Variants in CDKN2B-AS1 observed in about 807,000 individuals in gnomAD.
The protein encoded by CDKN2B-AS1 is CDKN2B antisense RNA 1 (non-protein coding).
intron 4 of CDKN2B-AS1, among the ~76,000 whole-genome samples, chr9:22,080,838 T>A (rs73650042): frequency 6.6e-6 from 1 of 152,142 alleles, no homozygotes; most frequent in Non-Finnish European, 1.5e-5. Context: ...AATAGGAGGG[T>A]GGGCTGAGCC....
intron 1 of CDKN2B-AS1, chr9:22,009,182 G>C (rs890615012): frequency 1.5e-5 from 10 of 645,614 alleles, no homozygotes; most frequent in Middle Eastern, 4.2e-4. Context: ...GAACCAGCGG[G>C]CGCGCCTGGA....
At chr9:22,077,149 TGAC>T (rs1824527906) in intron 4 of CDKN2B-AS1, among the ~76,000 whole-genome samples, 2 of 152,304 alleles carry the variant, frequency 1.3e-5, no homozygotes, top group South Asian at 4.1e-4. Flanking sequence ...TCTGTATATT[TGAC>T]TTTTAAAAAA....
chr9:22,007,337 C>T (rs148289919), intron 1 of CDKN2B-AS1, among the ~76,000 whole-genome samples: 122 of 149,864 alleles, frequency 8.1e-4, no homozygotes, highest in African/African-American at 2.8e-3. Flanking sequence ...CCAGCCTGTC[C>T]GACAGAGTGA....
chr9:22,079,051 A>T (rs2131326925), intron 4 of CDKN2B-AS1, among the ~76,000 whole-genome samples: 2 of 152,352 alleles, frequency 1.3e-5, no homozygotes, highest in South Asian at 4.1e-4. Context: ...AATATCTGGA[A>T]GATATTTTTC....
intron 1 of CDKN2B-AS1, chr9:22,003,809 A>ATT: frequency 4.3e-6 from 1 of 232,250 alleles, no homozygotes; most frequent in Non-Finnish European, 8.5e-6. Context: ...CAAACCGTTT[A>ATT]TATTTACTAG....
intron 1 of CDKN2B-AS1, among the ~76,000 whole-genome samples, chr9:22,029,208 A>T (rs1822365402): frequency 6.6e-6 from 1 of 152,216 alleles, no homozygotes; most frequent in African/African-American, 2.4e-5. Context: ...ACAGTGGTTG[A>T]GAAACAGAAT....
intron 4 of CDKN2B-AS1, among the ~76,000 whole-genome samples, chr9:22,075,974 G>A (rs972750504): frequency 2.0e-5 from 3 of 152,180 alleles, no homozygotes; most frequent in South Asian, 2.1e-4. Flanking sequence ...CTTTTTGGAA[G>A]AGTTTGTGTC....
chr9:22,071,582 G>C (rs1024134696), intron 4 of CDKN2B-AS1, among the ~76,000 whole-genome samples: 1 of 151,928 alleles, frequency 6.6e-6, no homozygotes, highest in African/African-American at 2.4e-5. Flanking sequence ...AATTATTTTT[G>C]TGACCCTGGG....
At position 22,084,537 on chromosome 9, in the gene CDKN2B-AS1, A is replaced by T. The variant is rs564311323; in HGVS notation, n.438+28150A>T. ...GTCTAACAGCATGTGGGTAGGCTAC[A>T]TTTTTTTTACTCTCAGAGAAAGGGG... On this transcript the variant is annotated intron_variant and non_coding_transcript_variant, in intron 4 of 4. Coordinates refer to ENST00000650946, the Ensembl canonical transcript of CDKN2B-AS1. 2.1e-3 allele frequency among the ~76,000 whole-genome samples: 313 copies of T among 151,748 alleles called. 2 individuals carry two copies. The highest frequency in any genetic ancestry group is 3.2e-3 in the Non-Finnish European group (219 of 67,900).
At chr9:22,011,951 T>C (rs978974044) in intron 1 of CDKN2B-AS1, among the ~76,000 whole-genome samples, 1 of 152,174 alleles carries the variant, frequency 6.6e-6, no homozygotes, top group South Asian at 2.1e-4. Context: ...AGAAAGTTAA[T>C]GGTAAATTGG....
intron 4 of CDKN2B-AS1, among the ~76,000 whole-genome samples, chr9:22,069,671 A>C (rs1824208708): frequency 6.6e-6 from 1 of 152,206 alleles, no homozygotes; most frequent in African/African-American, 2.4e-5. Flanking sequence ...TGATGAGAAC[A>C]TTCAAAAGCC....
In CDKN2B-AS1 at chr9:22,006,421, A is replaced by G. The variant is rs1821192896; in HGVS notation, n.29+11260A>G. 1 of 856,628 alleles carries G rather than the reference A, an allele frequency of 1.2e-6. No homozygotes were observed. The highest frequency in any genetic ancestry group is 1.7e-5 in the African/African-American group (1 of 59,740). 53.1% of individuals were successfully genotyped at this position (856,628 alleles called of 1,614,324 possible). A position where few individuals can be genotyped will look rare whatever the true frequency, so the allele number is the denominator to read the frequency against. ...GTTTCTTCATTTGCTGATGCAATCCACTTTCCCACCCCACCTTCAGGTTAT... is the reference window on the plus strand; with the variant it reads ...GTTTCTTCATTTGCTGATGCAATCCGCTTTCCCACCCCACCTTCAGGTTAT... On this transcript the variant is annotated intron_variant and non_coding_transcript_variant, in intron 1 of 4. Transcript: ENST00000650946. This position sits in a 1 kb window ranked among gnomAD's most constrained non-coding sequence, Gnocchi z 6.4.
chr9:22,004,331 CTTTTAAATG>C (rs1821064408), intron 1 of CDKN2B-AS1: 1 of 232,222 alleles, frequency 4.3e-6, no homozygotes, highest in East Asian at 6.1e-5. Flanking sequence ...CCTTTTTTCT[CTTTTAAATG>C]TGTATCTGGT....
Position 22,008,816 on chromosome 9 carries a change from G to T in CDKN2B-AS1, n.29+13655G>T, listed in dbSNP as rs1388836946. On this transcript the variant is annotated intron_variant and non_coding_transcript_variant, in intron 1 of 4. Coordinates refer to ENST00000650946, the Ensembl canonical transcript of CDKN2B-AS1. Reference sequence around the variant, plus strand: ...CAGCTACCTGGATCGCGCGCCTCCCGAAACGGTTGACTCCGTTGGGATCCG... The same window carrying T: ...CAGCTACCTGGATCGCGCGCCTCCCTAAACGGTTGACTCCGTTGGGATCCG... 10 of 1,605,696 alleles carry T rather than the reference G, an allele frequency of 6.2e-6. No individual in the cohort carries two copies. In the Admixed American group the frequency reaches 1.7e-4, roughly 27 times the overall value.
At chr9:22,076,903 C>T (rs1824515493) in intron 4 of CDKN2B-AS1, among the ~76,000 whole-genome samples, 1 of 152,060 alleles carries the variant, frequency 6.6e-6, no homozygotes, top group Non-Finnish European at 1.5e-5. Flanking sequence ...AGGCTGGTCT[C>T]GAACTCCTTG....
intron 4 of CDKN2B-AS1, among the ~76,000 whole-genome samples, chr9:22,068,542 A>G (rs1824157294): frequency 6.6e-6 from 1 of 151,628 alleles, no homozygotes; most frequent in Admixed American, 6.6e-5. Flanking sequence ...GAAGGAATCT[A>G]AAAGGTGTAG....
chr9:22,024,285 G>C (rs1369500073), intron 1 of CDKN2B-AS1, among the ~76,000 whole-genome samples: 1 of 152,154 alleles, frequency 6.6e-6, no homozygotes. Flanking sequence ...TTTGTTCTCT[G>C]GTTCCTCGAG....
At chr9:22,022,018 G>T (rs1261181460) in intron 1 of CDKN2B-AS1, among the ~76,000 whole-genome samples, 1 of 152,162 alleles carries the variant, frequency 6.6e-6, no homozygotes, top group Non-Finnish European at 1.5e-5. Context: ...TGGTCTGGGA[G>T]ACAGTTTGTT....
intron 1 of CDKN2B-AS1, among the ~76,000 whole-genome samples, chr9:22,028,636 A>G (rs1164516166): frequency 6.6e-6 from 1 of 152,156 alleles, no homozygotes; most frequent in African/African-American, 2.4e-5. Flanking sequence ...AAAAGTTAAG[A>G]AAAAAATATG....
Sources: gnomAD v4.1 joint callset for allele counts (sites outside exome capture counted in the v4.1 genomes callset) on GRCh38, gnomAD v4.1.1 for gene constraint, Gnocchi (gnomAD v3.1) non-coding constraint, MANE v1.5 for transcripts, NCBI Gene and HGNC (gene_info 2026-07-23, HGNC 2026-07-21) for gene names.